The following NRP2 variants were observed in gnomAD, a reference collection of about 807,000 sequenced individuals.
NRP2 encodes the protein neuropilin 2, also known as neuropilin-2.
In NRP2, 52 loss-of-function variants were observed where a neutral mutation model predicts 110.4. That is an observed-to-expected ratio of 0.47 (90% CI 0.38 to 0.59). NRP2 has a LOEUF of 0.59. Among genes scored for constraint, NRP2 ranks in the 20% least tolerant of loss-of-function variants. The pLI is 0.00. For missense variants in NRP2, 1,049 were observed against 1,203.0 expected (o/e 0.87, Z 1.89); for synonymous variants, 508 against 468.9 (o/e 1.08, Z -1.08).
At chr2:205,746,027 C>A in intron 10 of NRP2, 137 bp downstream of exon 10, 1 of 963,362 alleles carries the variant, frequency 1.0e-6, no homozygotes, top group Non-Finnish European at 1.6e-6. Flanking sequence ...GCCATGTTCT[C>A]CTGCCTCAGA....
At chr2:205,749,683 G>A in intron 10 of NRP2, 42 bp from the exon 11 acceptor site, 2 of 1,519,130 alleles carry the variant, frequency 1.3e-6, no homozygotes, top group Non-Finnish European at 1.8e-6. Flanking sequence ...TTGCAACACA[G>A]GCTGCTACAG....
chr2:205,778,179 C>T (rs2058128227), intron 15 of NRP2: 1 of 151,936 alleles, frequency 6.6e-6, no homozygotes, highest in Non-Finnish European at 1.5e-5. Context: ...TTTGCCTGGG[C>T]CAAAAGCCTC....
intron 15 of NRP2, chr2:205,779,651 C>T (rs188106599): frequency 7.9e-5 from 12 of 152,194 alleles, no homozygotes; most frequent in East Asian, 5.8e-4. Flanking sequence ...AACTTGTGGA[C>T]GTTGGAAATT....
intron 3 of NRP2, among the ~76,000 whole-genome samples, chr2:205,717,265 T>G (rs1013636114): frequency 3.9e-5 from 6 of 152,024 alleles, no homozygotes; most frequent in Non-Finnish European, 7.4e-5. Context: ...CCCTTCCATC[T>G]ATGTGTGTGT....
At chr2:205,749,633 T>C in intron 10 of NRP2, 92 bp from the exon 11 acceptor site, 8 of 1,018,786 alleles carry the variant, frequency 7.9e-6, no homozygotes, top group Non-Finnish European at 9.4e-6. Flanking sequence ...GCATCTTCTT[T>C]CCCTTCTCTA....
At chr2:205,772,342 T>C (rs2058035645) in intron 15 of NRP2, among the ~76,000 whole-genome samples, 1 of 152,240 alleles carries the variant, frequency 6.6e-6, no homozygotes, top group South Asian at 2.1e-4. Flanking sequence ...TGTGTAACTG[T>C]TTTTCTTATT....
chr2:205,683,275 A>C lies in NRP2; in HGVS notation c.-16A>C. ...AACCTACGAACCCAGCTCTGGAAAG[A>C]GCCACCTTCTCCAAAATGGATATGT... On this transcript the variant is annotated 5_prime_UTR_variant, in exon 1 of 17. Transcript: ENST00000357785. The C allele has an allele frequency of 1.2e-6, 2 of 1,602,910 alleles. No individual in the cohort carries two copies. Among genetic ancestry groups the C allele is most frequent in the Non-Finnish European group, 1.7e-6 (2 of 1,170,122 alleles).
At chr2:205,782,729 G>C (rs1199261474) in intron 15 of NRP2, among the ~76,000 whole-genome samples, 1 of 152,086 alleles carries the variant, frequency 6.6e-6, no homozygotes, top group Non-Finnish European at 1.5e-5. Context: ...ACATCTTGAG[G>C]GTAATTCAGT....
chr2:205,729,545 A>C (rs1292005901), intron 7 of NRP2, among the ~76,000 whole-genome samples: 3 of 152,188 alleles, frequency 2.0e-5, no homozygotes, highest in Non-Finnish European at 2.9e-5. Flanking sequence ...GCCAGAAGCC[A>C]GGCAGGGGTG....
chr2:205,755,774 C>T (rs916162989), intron 12 of NRP2, among the ~76,000 whole-genome samples: 3 of 152,052 alleles, frequency 2.0e-5, no homozygotes, highest in Non-Finnish European at 4.4e-5. Context: ...CAGAGGGGAC[C>T]GTCCCACTCT....
chr2:205,740,849 G>A (rs909814913), intron 8 of NRP2, among the ~76,000 whole-genome samples, 186 bp downstream of exon 8: 10 of 152,194 alleles, frequency 6.6e-5, no homozygotes, highest in South Asian at 2.1e-4. Context: ...AAGCATCTAC[G>A]ATTTCTATTA....
chr2:205,788,650 C>G (rs756035148), intron 15 of NRP2, among the ~76,000 whole-genome samples: 1 of 152,226 alleles, frequency 6.6e-6, no homozygotes, highest in East Asian at 1.9e-4. Context: ...GTATCCTCCT[C>G]TACACTCCCA....
At chr2:205,734,170 T>TTA (rs61142559) in intron 7 of NRP2, among the ~76,000 whole-genome samples, 2,061 of 149,348 alleles carry the variant, frequency 0.014, 29 homozygotes, top group East Asian at 0.032. Flanking sequence ...CTCTCTGTGT[T>TTA]TATATATATA....
At chr2:205,770,876 C>T (rs2058011671) in intron 15 of NRP2, among the ~76,000 whole-genome samples, 1 of 152,146 alleles carries the variant, frequency 6.6e-6, no homozygotes. Context: ...CATCCTTCCC[C>T]AGGGGACACA....
intron 9 of NRP2, among the ~76,000 whole-genome samples, chr2:205,744,127 G>A (rs966917243): frequency 1.3e-5 from 2 of 152,136 alleles, no homozygotes; most frequent in African/African-American, 4.8e-5. Flanking sequence ...ACTGACACTT[G>A]ATATCATGCC....
At position 205,727,885 on chromosome 2, in the gene NRP2, C is replaced by T. The variant is rs984002022; in HGVS notation, c.991-6C>T. ...TGGTCTCTTACTCCAGCCCTCTATT[C>T]CCCAGGTGGACCTGCGCTTTTTAAC... On this transcript the variant is annotated splice_region_variant and splice_polypyrimidine_tract_variant and intron_variant, in intron 6 of 16. Transcript: ENST00000357785. 2.5e-6 allele frequency: 4 copies of T among 1,611,698 alleles called. No individual in the cohort carries two copies. Among genetic ancestry groups the T allele is most frequent in the East Asian group, 2.2e-5 (1 of 44,836 alleles).
intron 2 of NRP2, among the ~76,000 whole-genome samples, chr2:205,713,078 C>T (rs916209993): frequency 3.9e-5 from 6 of 152,106 alleles, no homozygotes; most frequent in African/African-American, 1.4e-4. Context: ...TGGTCTGTAT[C>T]CGTTGAGTAA....
intron 7 of NRP2, among the ~76,000 whole-genome samples, chr2:205,732,545 GGC>G (rs1018713802): frequency 6.6e-6 from 1 of 152,240 alleles, no homozygotes; most frequent in Non-Finnish European, 1.5e-5. Context: ...CAAATGGAAT[GGC>G]GCTGCGGCTG....
At chr2:205,769,084 C>T (rs2057974952) in intron 15 of NRP2, among the ~76,000 whole-genome samples, 1 of 152,132 alleles carries the variant, frequency 6.6e-6, no homozygotes, top group South Asian at 2.1e-4. Flanking sequence ...TACTATTCCT[C>T]TTATGGTCAG....
Sources: gnomAD v4.1 joint callset for allele counts (sites outside exome capture counted in the v4.1 genomes callset) on GRCh38, gnomAD v4.1.1 for gene constraint, MANE v1.5 for transcripts, NCBI Gene and HGNC (gene_info 2026-07-23, HGNC 2026-07-21) for gene names.